The following PLD5 variants were observed in gnomAD, a reference collection of about 807,000 sequenced individuals.
PLD5 encodes the protein inactive phospholipase D5.
In PLD5, 36 loss-of-function variants were observed where a neutral mutation model predicts 61.1. The observed-to-expected ratio is 0.59, with a 90% confidence interval of 0.45 to 0.78. The LOEUF is 0.78. Ranked by LOEUF, PLD5 falls within the 30% of genes least tolerant of loss-of-function variation. The pLI, the probability that PLD5 is intolerant of heterozygous loss-of-function variation, is 0.00. For synonymous variants in PLD5, 243 were observed against 242.8 expected, an observed-to-expected ratio of 1.00 and a Z score of -0.01; for missense variants, 515 against 644.4, an observed-to-expected ratio of 0.80 and a Z score of 2.17.
At chr1:242,454,201 C>T (rs1193338775) in intron 1 of PLD5, among the ~76,000 whole-genome samples, 10 of 151,998 alleles carry the variant, frequency 6.6e-5, no homozygotes, top group Admixed American at 5.9e-4. Context: ...GGTGTGGTGG[C>T]GGTCACCTGT....
chr1:242,327,974 C>T (rs1658900665), intron 2 of PLD5, among the ~76,000 whole-genome samples: 1 of 151,938 alleles, frequency 6.6e-6, no homozygotes, highest in African/African-American at 2.4e-5. Flanking sequence ...CATGCATTGG[C>T]TGAGGTGGGA....
intron 7 of PLD5, among the ~76,000 whole-genome samples, 183 bp from the exon 8 acceptor site, chr1:242,108,022 G>T (rs1413478552): frequency 6.6e-6 from 1 of 152,092 alleles, no homozygotes; most frequent in African/African-American, 2.4e-5. Flanking sequence ...AAGAAATGAT[G>T]ATTTGCTGGG....
At chr1:242,321,939 A>C (rs1028194665) in intron 2 of PLD5, among the ~76,000 whole-genome samples, 2 of 152,214 alleles carry the variant, frequency 1.3e-5, no homozygotes, top group Non-Finnish European at 2.9e-5. Flanking sequence ...ACCTCACCAT[A>C]GTTAAGAGGC....
chr1:242,351,026 G>GAGT (rs1365088838), intron 1 of PLD5, among the ~76,000 whole-genome samples: 1 of 151,696 alleles, frequency 6.6e-6, no homozygotes, highest in Non-Finnish European at 1.5e-5. Context: ...TCAGCCTCCT[G>GAGT]AGTAGCTGAG....
chr1:242,195,575 C>T (rs1213452263), intron 5 of PLD5, among the ~76,000 whole-genome samples: 1 of 152,164 alleles, frequency 6.6e-6, no homozygotes, highest in Admixed American at 6.5e-5. Flanking sequence ...TTAAACATGG[C>T]ATTTTCCATC....
At chr1:242,275,707 G>A (rs994009293) in intron 3 of PLD5, among the ~76,000 whole-genome samples, 4 of 152,184 alleles carry the variant, frequency 2.6e-5, no homozygotes, top group Non-Finnish European at 4.4e-5. Flanking sequence ...CAATAATCCA[G>A]CATAAGGCCT....
In PLD5 at chr1:242,524,248, G is replaced by A. The variant is rs960552474; in HGVS notation, c.29C>T (p.Ser10Leu). 6.0e-6 allele frequency: 9 copies of A among 1,497,724 alleles called. No homozygotes were observed. Among genetic ancestry groups the A allele is most frequent in the Non-Finnish European group, 8.0e-6 (9 of 1,128,476 alleles). 92.8% of individuals were successfully genotyped at this position (1,497,724 alleles called of 1,614,324 possible). A position where few individuals can be genotyped will look rare whatever the true frequency, so the allele number is the denominator to read the frequency against. Reference protein sequence around the residue: MEIRQHEWLSASPHEGFEQM... With the variant: MEIRQHEWLLASPHEGFEQM... ...CTCGAAGCCCTCATGGGGGGAGGCC[G>A]AGAGCCACTCGTGCTGCCGGATCTC... Residue 10 changes from serine to leucine, a missense_variant, in exon 1 of 10, where the codon TCG becomes TTG. Transcript: ENST00000536534.
At chr1:242,171,600 C>G (rs1206113069) in intron 5 of PLD5, among the ~76,000 whole-genome samples, 1 of 151,768 alleles carries the variant, frequency 6.6e-6, no homozygotes, top group Admixed American at 6.6e-5. Flanking sequence ...GACTGGAAAA[C>G]TGGACAAAGA....
At chr1:242,459,215 A>C (rs1393226781) in intron 1 of PLD5, among the ~76,000 whole-genome samples, 1 of 152,234 alleles carries the variant, frequency 6.6e-6, no homozygotes, top group African/African-American at 2.4e-5. Flanking sequence ...TCAATATAAT[A>C]AGTCTGTTCA....
intron 4 of PLD5, among the ~76,000 whole-genome samples, chr1:242,224,481 A>G (rs534723916): frequency 1.3e-5 from 2 of 152,138 alleles, no homozygotes; most frequent in Non-Finnish European, 2.9e-5. Context: ...CCTATATATT[A>G]AAGAGTTATT....
intron 3 of PLD5, among the ~76,000 whole-genome samples, chr1:242,277,739 T>C (rs1674493132): frequency 1.3e-5 from 2 of 150,926 alleles, no homozygotes; most frequent in African/African-American, 4.9e-5. Context: ...TCCCAGCACT[T>C]TGGGAGGCCG....
chr1:242,313,453 A>G (rs1415075815), intron 2 of PLD5, among the ~76,000 whole-genome samples: 1 of 152,208 alleles, frequency 6.6e-6, no homozygotes, highest in Non-Finnish European at 1.5e-5. Context: ...CTCATTACCT[A>G]TCTAAGGTCT....
At chr1:242,480,983 CT>C (rs1289232079) in intron 1 of PLD5, among the ~76,000 whole-genome samples, 3 of 151,958 alleles carry the variant, frequency 2.0e-5, no homozygotes, top group Non-Finnish European at 4.4e-5. Context: ...ACACTTAGTA[CT>C]TTTTTTAGAA....
intron 2 of PLD5, among the ~76,000 whole-genome samples, chr1:242,319,414 C>T (rs574535158): frequency 1.0e-3 from 154 of 150,882 alleles, no homozygotes; most frequent in African/African-American, 3.6e-3. Flanking sequence ...TGTGTGCATA[C>T]AAATGATTGT....
At chr1:242,309,952 C>T (rs1676600933) in intron 2 of PLD5, among the ~76,000 whole-genome samples, 1 of 150,298 alleles carries the variant, frequency 6.7e-6, no homozygotes. Context: ...CAAAATGTAC[C>T]ATTTAAAGTT....
At chr1:242,434,922 T>C (rs191125924) in intron 1 of PLD5, among the ~76,000 whole-genome samples, 2 of 152,284 alleles carry the variant, frequency 1.3e-5, no homozygotes, top group Admixed American at 1.3e-4. Flanking sequence ...GATGTGCAGG[T>C]TTGTTACATA....
chr1:242,508,950 G>T (rs1267010490), intron 1 of PLD5, among the ~76,000 whole-genome samples: 1 of 152,154 alleles, frequency 6.6e-6, no homozygotes, highest in African/African-American at 2.4e-5. Flanking sequence ...GCATGGTGGT[G>T]CATGCCTGTA....
chr1:242,200,281 T>G (rs1366422105), intron 5 of PLD5, among the ~76,000 whole-genome samples: 1 of 152,198 alleles, frequency 6.6e-6, no homozygotes, highest in Non-Finnish European at 1.5e-5. Flanking sequence ...ATTCCTGCCT[T>G]GTGGACAGCT....
intron 5 of PLD5, among the ~76,000 whole-genome samples, chr1:242,206,278 C>T (rs1223223963): frequency 2.0e-5 from 3 of 152,172 alleles, no homozygotes; most frequent in African/African-American, 4.8e-5. Context: ...AAAGTGCTGC[C>T]GCCTACTCCC....
Sources: gnomAD v4.1 joint callset for allele counts (sites outside exome capture counted in the v4.1 genomes callset) on GRCh38, gnomAD v4.1.1 for gene constraint, MANE v1.5 for transcripts, NCBI Gene and HGNC (gene_info 2026-07-23, HGNC 2026-07-21) for gene names.